Variants in ULK4 observed in about 807,000 individuals in gnomAD.
ULK4 encodes the protein unc-51 like kinase 4.
In ULK4, 133 loss-of-function variants were observed where a neutral mutation model predicts 160.6. The ratio of observed to expected loss-of-function variants is 0.83; its 90% CI spans 0.72 to 0.96. The LOEUF (loss-of-function observed/expected upper bound fraction) is 0.96, where lower values mean the gene tolerates loss of function less well. Among genes scored for constraint, ULK4 ranks in the 40% least tolerant of loss-of-function variants. ULK4 has a pLI of 0.00. For synonymous variants in ULK4, 534 were observed against 539.8 expected (o/e 0.99, Z 0.15); for missense variants, 1,580 against 1,499.5 (o/e 1.05, Z -0.89).
intron 17 of ULK4, among the ~76,000 whole-genome samples, chr3:41,843,530 G>A (rs1002116611): frequency 7.9e-5 from 12 of 152,008 alleles, no homozygotes; most frequent in Admixed American, 4.6e-4. Flanking sequence ...GTGAAGCTGC[G>A]GACCTTCATG....
At position 41,715,221 on chromosome 3, in the gene ULK4, A is replaced by G. The variant is rs1559503642; in HGVS notation, c.2634+16T>C. The G allele has an allele frequency of 2.5e-6, 4 of 1,607,706 alleles. No individual in the cohort carries two copies. In the South Asian group the frequency reaches 4.5e-5, roughly 18 times the overall value. ...CACAATTTTATTAGAAACAAGGAAAATTTCGTGTTACTCACAAGAATAGTT... is the reference window on the plus strand; with the variant it reads ...CACAATTTTATTAGAAACAAGGAAAGTTTCGTGTTACTCACAAGAATAGTT... On this transcript the variant is annotated intron_variant, in intron 25 of 36. Transcript: ENST00000301831.
chr3:41,643,931 G>T (rs1404026169), intron 30 of ULK4, among the ~76,000 whole-genome samples: 10 of 151,902 alleles, frequency 6.6e-5, no homozygotes, highest in Non-Finnish European at 1.3e-4. Flanking sequence ...TGGATTCCTA[G>T]GTATTTTATT....
intron 22 of ULK4, among the ~76,000 whole-genome samples, chr3:41,750,959 C>G (rs2038601669): frequency 8.1e-6 from 1 of 123,610 alleles, no homozygotes; most frequent in Non-Finnish European, 1.6e-5. Flanking sequence ...GAGACTCCAC[C>G]TCAAAAAAAA....
At chr3:41,501,197 A>T (rs928988793) in intron 32 of ULK4, among the ~76,000 whole-genome samples, 4 of 69,404 alleles carry the variant, frequency 5.8e-5, no homozygotes, top group Non-Finnish European at 1.2e-4. Context: ...GTCAGTTTTT[A>T]AAAAAGTAAT....
chr3:41,787,208 A>G (rs2040022367), intron 21 of ULK4, among the ~76,000 whole-genome samples: 3 of 152,136 alleles, frequency 2.0e-5, no homozygotes, highest in Admixed American at 2.0e-4. Context: ...GCCAGAGTGG[A>G]GTCACAAAAG....
intron 30 of ULK4, among the ~76,000 whole-genome samples, chr3:41,618,812 T>TA (rs1048391519): frequency 2.6e-5 from 4 of 151,870 alleles, no homozygotes; most frequent in African/African-American, 9.7e-5. Flanking sequence ...ATGCCCCAAT[T>TA]AAAAAACACT....
At chr3:41,863,867 G>C (rs1196686760) in intron 17 of ULK4, among the ~76,000 whole-genome samples, 1 of 151,746 alleles carries the variant, frequency 6.6e-6, no homozygotes, top group Admixed American at 6.6e-5. Flanking sequence ...TCAAGCAGAA[G>C]GAAGGGGTCT....
At position 41,647,244 on chromosome 3, in the gene ULK4, A is replaced by G. The variant is rs1272984543; in HGVS notation, c.3071+16363T>C. On this transcript the variant is annotated intron_variant, in intron 30 of 36. Transcript: ENST00000301831. ...TGTTCCGTTGCTGGTGAGGAACTGC[A>G]TTCCTTTGGAGGAGGAGAGGCACTC... Among the ~76,000 whole-genome samples, 12 of 151,324 alleles carry G rather than the reference A, an allele frequency of 7.9e-5. No homozygotes were observed. The East Asian group carries it at 1.2e-3, about 15-fold the overall frequency.
chr3:41,486,898 G>A (rs1162040367), intron 32 of ULK4, among the ~76,000 whole-genome samples: 2 of 124,352 alleles, frequency 1.6e-5, no homozygotes, highest in African/African-American at 3.1e-5. Flanking sequence ...TCCCAATTTT[G>A]TACTCAGATT....
chr3:41,411,104 A>G (rs556574095), intron 34 of ULK4, among the ~76,000 whole-genome samples: 1 of 152,212 alleles, frequency 6.6e-6, no homozygotes, highest in Non-Finnish European at 1.5e-5. Context: ...AATATCCAAC[A>G]TCTATTTACA....
At chr3:41,851,736 C>T (rs1480163395) in intron 17 of ULK4, among the ~76,000 whole-genome samples, 1 of 152,054 alleles carries the variant, frequency 6.6e-6, no homozygotes, top group Admixed American at 6.6e-5. Flanking sequence ...ACCTGGGACA[C>T]ATTCAAAGCA....
intron 35 of ULK4, among the ~76,000 whole-genome samples, chr3:41,289,807 T>TTATGTATGTATG (rs34876578): frequency 1.4e-5 from 2 of 147,772 alleles, no homozygotes; most frequent in Non-Finnish European, 3.0e-5. Context: ...TTAGGTCAAC[T>TTATGTATGTATG]TATGTATGTA....
rs1156869131 is a variant in ULK4, at chr3:41,900,722, C to T, written c.1287+3G>A. The T allele has an allele frequency of 1.2e-6, 2 of 1,610,870 alleles. No homozygotes were observed. Among genetic ancestry groups the T allele is most frequent in the Admixed American group, 1.7e-5 (1 of 59,688 alleles). ...ACTCAGTTGTTAGAGTGTCTTTCTG[C>T]ACCTTTGGATTGTCGATAATGGGGG... On this transcript the variant is annotated splice_donor_region_variant and intron_variant, in intron 13 of 36. Transcript: ENST00000301831.
chr3:41,789,423 A>G (rs1469364194), intron 21 of ULK4, among the ~76,000 whole-genome samples: 1 of 152,202 alleles, frequency 6.6e-6, no homozygotes, highest in Non-Finnish European at 1.5e-5. Context: ...TTTCAGTTTA[A>G]CATTACTGAA....
intron 32 of ULK4, among the ~76,000 whole-genome samples, chr3:41,563,758 T>C (rs2087688035): frequency 1.3e-5 from 2 of 152,162 alleles, no homozygotes; most frequent in African/African-American, 4.8e-5. Flanking sequence ...TAGCCATTCG[T>C]CTAAACTTTT....
chr3:41,555,526 T>G (rs761194797), intron 32 of ULK4, among the ~76,000 whole-genome samples: 1 of 152,048 alleles, frequency 6.6e-6, no homozygotes, highest in Non-Finnish European at 1.5e-5. Context: ...AAATAAGAGA[T>G]GCTAGCAAGG....
chr3:41,936,020 T>C (rs1399307771), intron 3 of ULK4, 80 bp from the exon 4 acceptor site: 5 of 1,539,660 alleles, frequency 3.2e-6, no homozygotes, highest in Non-Finnish European at 4.4e-6. Context: ...CGCTGACAGA[T>C]ACGAACATTA....
At chr3:41,957,626 C>T (rs1700528107) in intron 1 of ULK4, among the ~76,000 whole-genome samples, 1 of 151,516 alleles carries the variant, frequency 6.6e-6, no homozygotes, top group African/African-American at 2.4e-5. Context: ...GACAAAAGAA[C>T]TGCTTGAGCC....
intron 2 of ULK4, among the ~76,000 whole-genome samples, chr3:41,947,013 A>T (rs1403547795): frequency 6.6e-6 from 1 of 152,218 alleles, no homozygotes; most frequent in Non-Finnish European, 1.5e-5. Context: ...TTGTTACATT[A>T]TCCAGCAGTG....
Sources: gnomAD v4.1 joint callset for allele counts (sites outside exome capture counted in the v4.1 genomes callset) on GRCh38, gnomAD v4.1.1 for gene constraint, MANE v1.5 for transcripts, NCBI Gene and HGNC (gene_info 2026-07-23, HGNC 2026-07-21) for gene names.